MYO5A: variants seen among roughly 807,000 people sequenced by gnomAD.
MYO5A encodes myosin VA.
In MYO5A, 98 loss-of-function variants were observed where a neutral mutation model predicts 249.7. The ratio of observed to expected loss-of-function variants is 0.39; its 90% CI spans 0.33 to 0.46. The LOEUF (loss-of-function observed/expected upper bound fraction) is 0.46, where lower values mean the gene tolerates loss of function less well. MYO5A is among the 20% of genes least tolerant of loss of function. MYO5A has a pLI of 0.98. For missense variants in MYO5A, 1,696 were observed against 2,308.8 expected (o/e 0.73, Z 5.44); for synonymous variants, 778 against 810.6 (o/e 0.96, Z 0.68).
chr15:52,321,230 A>T (rs2038295811), intron 38 of MYO5A, 129 bp downstream of exon 38: 3 of 1,200,744 alleles, frequency 2.5e-6, no homozygotes, highest in Non-Finnish European at 3.6e-6. Flanking sequence ...GGCTAATTTT[A>T]GCCCTGTATC....
chr15:52,407,504 A>G, intron 7 of MYO5A, 105 bp from the exon 8 acceptor site: 1 of 646,864 alleles, frequency 1.5e-6, no homozygotes, highest in Non-Finnish European at 2.7e-6. Context: ...TTGAGTGTAC[A>G]GCATCTAGAG....
chr15:52,436,509 G>T (rs1313024803), intron 1 of MYO5A, among the ~76,000 whole-genome samples: 1 of 152,192 alleles, frequency 6.6e-6, no homozygotes, highest in Non-Finnish European at 1.5e-5. Context: ...CTTTCTAGCG[G>T]AAATCAATCC....
At chr15:52,329,896 G>A (rs1175014938) in intron 35 of MYO5A, among the ~76,000 whole-genome samples, 3 of 113,682 alleles carry the variant, frequency 2.6e-5, no homozygotes, top group South Asian at 2.9e-4. Context: ...GTACCACCTC[G>A]CCTGGGTAAT....
chr15:52,406,970 T>G (rs1177443420), intron 8 of MYO5A, among the ~76,000 whole-genome samples: 3 of 152,168 alleles, frequency 2.0e-5, no homozygotes, highest in Non-Finnish European at 4.4e-5. Context: ...GAATTACAAG[T>G]AGCCCTCCCC....
chr15:52,361,623 T>C (rs947798000), intron 24 of MYO5A, among the ~76,000 whole-genome samples: 2 of 152,154 alleles, frequency 1.3e-5, no homozygotes, highest in African/African-American at 2.4e-5. Context: ...GTGTGAGGAT[T>C]AAATAAGAGT....
upstream of MYO5A, chr15:52,528,942 C>CGCGGG (rs550600899): frequency 1.6e-3 from 1,038 of 666,104 alleles, 6 homozygotes; most frequent in African/African-American, 0.017. Context: ...GGGAGGGCCG[C>CGCGGG]GCGGGGCGGG....
intron 18 of MYO5A, among the ~76,000 whole-genome samples, chr15:52,379,340 G>A (rs2041610201): frequency 6.6e-6 from 1 of 152,088 alleles, no homozygotes; most frequent in Admixed American, 6.6e-5. Flanking sequence ...CATTTGGCCT[G>A]GTGTCTTCTA....
At chr15:52,514,021 G>A (rs144338645) in intron 1 of MYO5A, among the ~76,000 whole-genome samples, 2 of 152,326 alleles carry the variant, frequency 1.3e-5, no homozygotes, top group East Asian at 3.9e-4. Flanking sequence ...CAAAGGGAGG[G>A]AGCAGTAGAA....
intron 12 of MYO5A, among the ~76,000 whole-genome samples, 199 bp downstream of exon 12, chr15:52,391,731 G>C (rs1595582593): frequency 6.6e-6 from 1 of 152,160 alleles, no homozygotes; most frequent in African/African-American, 2.4e-5. Flanking sequence ...CAGCTGAAAA[G>C]AGGAGGGAAA....
At chr15:52,486,842 A>G (rs1007315508) in intron 1 of MYO5A, among the ~76,000 whole-genome samples, 1 of 152,210 alleles carries the variant, frequency 6.6e-6, no homozygotes, top group African/African-American at 2.4e-5. Context: ...AAGGCTTACA[A>G]CTGAGGCTCT....
rs543572634 is a variant in MYO5A, at chr15:52,320,130, G to T, written c.4952-788C>A. Among the ~76,000 whole-genome samples, 1,251 of 152,276 alleles carry T rather than the reference G, an allele frequency of 8.2e-3. 16 individuals carry two copies. The highest frequency in any genetic ancestry group is 0.027 in the African/African-American group (1,141 of 41,570). On this transcript the variant is annotated intron_variant, in intron 38 of 41. Coordinates refer to ENST00000399233, the MANE Select transcript of MYO5A (RefSeq NM_001382347.1). ...ATTCTGGGTTTCCCACAACAGCAGT[G>T]GGCCCTTGGGCTGACCTCCATCTCC...
Position 52,518,710 on chromosome 15 carries a change from T to A in MYO5A, c.27+10070A>T, listed in dbSNP as rs145334259. ...CTTACTGTAATGCAGACCAGTATGG[T>A]AAGCTAAAAAACTAAGGTTGAACTA... is the stretch of plus-strand genomic sequence containing the variant. On this transcript the variant is annotated intron_variant, in intron 1 of 41. Coordinates refer to ENST00000399233, the MANE Select transcript of MYO5A (RefSeq NM_001382347.1). 4.5e-4 allele frequency among the ~76,000 whole-genome samples: 68 copies of A among 152,310 alleles called. 1 individual carries two copies. In the East Asian group the frequency reaches 7.1e-3, roughly 16 times the overall value.
chr15:52,524,768 T>C (rs1381725540), intron 1 of MYO5A, among the ~76,000 whole-genome samples: 1 of 151,718 alleles, frequency 6.6e-6, no homozygotes, highest in South Asian at 2.1e-4. Flanking sequence ...CTCACGAGGC[T>C]GAGGTGGGAG....
chr15:52,425,776 G>A (rs1406921415), intron 4 of MYO5A, 54 bp downstream of exon 4: 44 of 1,591,718 alleles, frequency 2.8e-5, no homozygotes, highest in Non-Finnish European at 3.8e-5. Context: ...TTAGCAAGAA[G>A]AAATTATCAT....
At chr15:52,363,843 C>T (rs2040665812) in intron 24 of MYO5A, among the ~76,000 whole-genome samples, 1 of 152,136 alleles carries the variant, frequency 6.6e-6, no homozygotes, top group Non-Finnish European at 1.5e-5. Flanking sequence ...TAATTCATTA[C>T]AAATGGAGTC....
chr15:52,500,231 T>C (rs1250775091), intron 1 of MYO5A, among the ~76,000 whole-genome samples: 1 of 152,214 alleles, frequency 6.6e-6, no homozygotes, highest in Non-Finnish European at 1.5e-5. Context: ...GATATTTCAT[T>C]GTAGGCTAGA....
intron 1 of MYO5A, among the ~76,000 whole-genome samples, chr15:52,510,970 A>G (rs2077378570): frequency 6.6e-6 from 1 of 152,194 alleles, no homozygotes; most frequent in Non-Finnish European, 1.5e-5. Flanking sequence ...GCTGTACTAT[A>G]CAGGTTTTGT....
At chr15:52,430,870 G>A (rs569009870) in intron 2 of MYO5A, among the ~76,000 whole-genome samples, 1 of 152,122 alleles carries the variant, frequency 6.6e-6, no homozygotes, top group Non-Finnish European at 1.5e-5. Flanking sequence ...AAGAATAATA[G>A]AATGAACCTG....
intron 38 of MYO5A, among the ~76,000 whole-genome samples, chr15:52,320,684 A>G (rs2038256657): frequency 6.6e-6 from 1 of 152,144 alleles, no homozygotes; most frequent in Admixed American, 6.5e-5. Context: ...AAATGCATGC[A>G]TGGGGAAAGA....
Sources: gnomAD v4.1 joint callset for allele counts (sites outside exome capture counted in the v4.1 genomes callset) on GRCh38, gnomAD v4.1.1 for gene constraint, MANE v1.5 for transcripts, NCBI Gene and HGNC (gene_info 2026-07-23, HGNC 2026-07-21) for gene names.